The following KIF27 variants were observed in gnomAD, a reference collection of about 807,000 sequenced individuals.
The protein encoded by KIF27 is kinesin-like protein KIF27.
KIF27 carries 84 observed loss-of-function variants against 141.8 expected under a neutral mutation model. That is an observed-to-expected ratio of 0.59 (90% CI 0.50 to 0.71). KIF27 has a LOEUF of 0.71. KIF27 is among the 30% of genes least tolerant of loss of function. The pLI, the probability that KIF27 is intolerant of heterozygous loss-of-function variation, is 0.00. For synonymous variants in KIF27, 471 were observed against 569.5 expected (o/e 0.83, Z 2.46); for missense variants, 1,306 against 1,628.4 (o/e 0.80, Z 3.41).
intron 1 of KIF27, among the ~76,000 whole-genome samples, chr9:83,915,952 T>C (rs1024990154): frequency 6.6e-6 from 1 of 152,210 alleles, no homozygotes; most frequent in African/African-American, 2.4e-5. Context: ...CCTTTATTTC[T>C]ACAGTAATAA....
At chr9:83,919,835 T>C (rs1164652227) in intron 1 of KIF27, among the ~76,000 whole-genome samples, 5 of 151,950 alleles carry the variant, frequency 3.3e-5, no homozygotes, top group Non-Finnish European at 1.5e-5. Context: ...ACAAAACAAA[T>C]GTGAGCCACG....
At chr9:83,857,078 CAA>C (rs1276481036) in intron 14 of KIF27, among the ~76,000 whole-genome samples, 20 of 78,240 alleles carry the variant, frequency 2.6e-4, no homozygotes, top group Admixed American at 4.1e-4. Flanking sequence ...TGGATTTTAC[CAA>C]AAAAAAAAAA....
At chr9:83,913,771 A>T (rs1229631416) in intron 2 of KIF27, among the ~76,000 whole-genome samples, 1 of 152,238 alleles carries the variant, frequency 6.6e-6, no homozygotes, top group Non-Finnish European at 1.5e-5. Context: ...ATGCAAAAAG[A>T]AAGTTACAGA....
intron 11 of KIF27, among the ~76,000 whole-genome samples, chr9:83,879,259 AAAT>A (rs1951482015): frequency 6.6e-6 from 1 of 151,664 alleles, no homozygotes; most frequent in Non-Finnish European, 1.5e-5. Context: ...AATTAATAAT[AAAT>A]AATGAGTAAC....
intron 2 of KIF27, among the ~76,000 whole-genome samples, chr9:83,909,190 T>G (rs1954885894): frequency 6.6e-6 from 1 of 152,122 alleles, no homozygotes; most frequent in South Asian, 2.1e-4. Context: ...AAGTGTTAAT[T>G]GTACCTGGAG....
At chr9:83,844,728 T>C (rs1459205868) in intron 16 of KIF27, among the ~76,000 whole-genome samples, 1 of 152,154 alleles carries the variant, frequency 6.6e-6, no homozygotes, top group Non-Finnish European at 1.5e-5. Context: ...GCTCCTAAGT[T>C]CAGTGGACAA....
At chr9:83,891,994 C>T (rs1246451969) in intron 5 of KIF27, among the ~76,000 whole-genome samples, 3 of 152,120 alleles carry the variant, frequency 2.0e-5, no homozygotes, top group Non-Finnish European at 4.4e-5. Flanking sequence ...AGATAGCCAA[C>T]TGATAGTCCT....
rs777637489 is a variant in KIF27, at chr9:83,908,527, C to A, written c.424G>T (p.Asp142Tyr). 6 of 1,611,242 alleles carry A rather than the reference C, an allele frequency of 3.7e-6. No individual in the cohort carries two copies. Among genetic ancestry groups the A allele is most frequent in the Non-Finnish European group, 5.1e-6 (6 of 1,177,846 alleles). ...TCCAATTCTAGAAGATCTCTTAGGT[C>A]TTCCTTGTACACTTCTATATAAGAT... ...KVSYIEVYKE[D>Y]LRDLLELETS... Residue 142 changes from aspartate to tyrosine, a missense_variant, in exon 3 of 18, where the codon GAC becomes TAC. By Grantham distance (160) the Asp-to-Tyr change is radical. Transcript: ENST00000297814.
rs1952428176 is a variant in KIF27, at chr9:83,889,199, T to C, written c.1864A>G (p.Thr622Ala). The change falls in exon 7 of 18, where the codon ACA becomes GCA. Residue 622 changes from threonine (T) to alanine (A), a missense_variant. This residue lies in a region of KIF27 where 596 missense variants were observed against 751.6 expected (regional missense o/e 0.79). Transcript: ENST00000297814. ...TGACCCAACAGCATCTGACTTCGTG[T>C]TCGAAATCCAGCAAATATTCGATCC... ...SLDRIFAGFR[T>A]RSQMLLGHIE... The C allele has an allele frequency of 1.9e-6, 3 of 1,613,788 alleles. No homozygotes were observed. The African/African-American group carries it at 4.0e-5, about 22-fold the overall frequency.
chr9:83,910,585 G>C (rs939719124), intron 2 of KIF27, among the ~76,000 whole-genome samples: 3 of 152,224 alleles, frequency 2.0e-5, no homozygotes, highest in African/African-American at 7.2e-5. Context: ...ACGTAAGCCA[G>C]AGTTGATGGC....
chr9:83,887,010 T>G (rs761496287), intron 9 of KIF27, 31 bp downstream of exon 9: 54 of 1,504,048 alleles, frequency 3.6e-5, no homozygotes, highest in Non-Finnish European at 4.6e-5. Flanking sequence ...GTTTTCTTTC[T>G]CATTTAAGCT....
chr9:83,867,676 C>A lies in KIF27; in HGVS notation c.2934+8G>T, dbSNP rs1176880493. 6.3e-7 allele frequency: 1 copy of A among 1,598,718 alleles called. No homozygotes were observed. The highest frequency in any genetic ancestry group is 2.2e-5 in the East Asian group (1 of 44,740). On this transcript the variant is annotated splice_region_variant and intron_variant, in intron 13 of 17. Coordinates refer to ENST00000297814, the MANE Select transcript of KIF27 (RefSeq NM_017576.4). ...AACCAGAATCAAGTAGTGTATTAAA[C>A]AGAATACCTGACTAGATCTCAATTT...
chr9:83,880,169 G>C, intron 11 of KIF27, 128 bp downstream of exon 11: 1 of 1,374,684 alleles, frequency 7.3e-7, no homozygotes, highest in Non-Finnish European at 1.0e-6. Context: ...AAGTGAATAA[G>C]GACAGCAGTG....
intron 5 of KIF27, among the ~76,000 whole-genome samples, chr9:83,896,065 A>C (rs1045086589): frequency 1.0e-4 from 15 of 149,362 alleles, no homozygotes; most frequent in Non-Finnish European, 1.9e-4. Flanking sequence ...AAAAAAAAAA[A>C]AAAAAAAAAA....
chr9:83,852,790 G>A lies in KIF27; in HGVS notation c.3357+839C>T, dbSNP rs561719146. Among the ~76,000 whole-genome samples, 6 of 152,128 alleles carry A rather than the reference G, an allele frequency of 3.9e-5. No individual in the cohort carries two copies. In the South Asian group the frequency reaches 6.2e-4, roughly 16 times the overall value. Reference sequence around the variant, plus strand: ...ACTACAGGTGTATGCTACCATACCCGGCTAATTTTGGTATTTTTTGTAGAG... The same window carrying A: ...ACTACAGGTGTATGCTACCATACCCAGCTAATTTTGGTATTTTTTGTAGAG... On this transcript the variant is annotated intron_variant, in intron 15 of 17. Transcript: ENST00000297814.
At chr9:83,908,249 G>C (rs547698985) in intron 3 of KIF27, among the ~76,000 whole-genome samples, 2 of 116,982 alleles carry the variant, frequency 1.7e-5, no homozygotes, top group African/African-American at 3.3e-5. Flanking sequence ...CTGATGGAGC[G>C]AAACTCCATC....
At chr9:83,876,328 A>G (rs1951201701) in intron 11 of KIF27, among the ~76,000 whole-genome samples, 1 of 152,206 alleles carries the variant, frequency 6.6e-6, no homozygotes, top group Non-Finnish European at 1.5e-5. Context: ...AATAGCATCT[A>G]AAAGAATATC....
chr9:83,880,692 T>C lies in KIF27; in HGVS notation c.2446-198A>G, dbSNP rs1454021629. On this transcript the variant is annotated intron_variant, in intron 10 of 17. Coordinates refer to ENST00000297814, the MANE Select transcript of KIF27 (RefSeq NM_017576.4). ...GGAAACCATCATAATTTGCATCACATATGTAAAAGTATAAAGAATCATGAG... is the reference window on the plus strand; with the variant it reads ...GGAAACCATCATAATTTGCATCACACATGTAAAAGTATAAAGAATCATGAG... Among the ~76,000 whole-genome samples, 5 of 152,328 alleles carry C rather than the reference T, an allele frequency of 3.3e-5. No individual in the cohort carries two copies. The South Asian group carries it at 6.2e-4, about 19-fold the overall frequency.
At position 83,834,194 on chromosome 9, in the gene KIF27, G is replaced by A. The variant is rs186416206; in HGVS notation, c.*2807C>T. Among the ~76,000 whole-genome samples, 152 of 152,086 alleles carry A rather than the reference G, an allele frequency of 1.0e-3. No homozygotes were observed. Among genetic ancestry groups the A allele is most frequent in the African/African-American group, 3.5e-3 (146 of 41,506 alleles). ...CAAACATTTTATATACATGCAAAAA[G>A]GCAATAAAGTGACAAAATGTTTAGA... On this transcript the variant is annotated 3_prime_UTR_variant, in exon 18 of 18. Coordinates refer to ENST00000297814, the MANE Select transcript of KIF27 (RefSeq NM_017576.4).
Sources: allele counts gnomAD v4.1 joint callset (sites outside exome capture counted in the v4.1 genomes callset), GRCh38; gene constraint gnomAD v4.1.1; regional missense constraint gnomAD v4.1.1; transcripts MANE v1.5; gene names NCBI Gene and HGNC (gene_info 2026-07-23, HGNC 2026-07-21).